ARHGAP10: variants seen among roughly 807,000 people sequenced by gnomAD.
ARHGAP10 encodes the protein Rho GTPase activating protein 10, also known as rho GTPase-activating protein 10.
A neutral mutation model predicts 108.6 loss-of-function variants in ARHGAP10; 87 were observed. The observed-to-expected ratio is 0.80, with a 90% CI of 0.67 to 0.96. The LOEUF is 0.96. Among genes scored for constraint, ARHGAP10 ranks in the 40% least tolerant of loss-of-function variants. The pLI, the probability that ARHGAP10 is intolerant of heterozygous loss-of-function variation, is 0.00. For synonymous variants in ARHGAP10, 347 were observed against 341.1 expected (o/e 1.02, Z -0.19); for missense variants, 939 against 954.5 (o/e 0.98, Z 0.21).
chr4:147,993,813 A>G (rs1472280511), intron 18 of ARHGAP10, among the ~76,000 whole-genome samples: 2 of 152,232 alleles, frequency 1.3e-5, no homozygotes, highest in Non-Finnish European at 2.9e-5. Context: ...ATGAAATACA[A>G]AACTCTTTTT....
chr4:147,752,933 T>A (rs1560739498), intron 1 of ARHGAP10, among the ~76,000 whole-genome samples: 1 of 152,240 alleles, frequency 6.6e-6, no homozygotes, highest in Non-Finnish European at 1.5e-5. Flanking sequence ...TCCTTTTATT[T>A]TTAGAAGTAT....
At chr4:147,909,256 G>A (rs755854222) in intron 11 of ARHGAP10, among the ~76,000 whole-genome samples, 1 of 152,242 alleles carries the variant, frequency 6.6e-6, no homozygotes, top group Non-Finnish European at 1.5e-5. Flanking sequence ...TGAGGTGGGT[G>A]CACGGAGCCC....
intron 1 of ARHGAP10, among the ~76,000 whole-genome samples, chr4:147,777,397 T>TA (rs922490929): frequency 1.4e-4 from 22 of 152,170 alleles, no homozygotes; most frequent in African/African-American, 5.3e-4. Flanking sequence ...TAGCTGGGAC[T>TA]ACAGGCACCC....
intron 1 of ARHGAP10, among the ~76,000 whole-genome samples, chr4:147,808,005 G>A (rs1483646907): frequency 6.6e-6 from 1 of 152,200 alleles, no homozygotes; most frequent in Non-Finnish European, 1.5e-5. Context: ...TGCTTTATAG[G>A]CATGTGGATC....
rs1741298880 is a variant in ARHGAP10, at chr4:148,015,081, T to A, written c.1717-8182T>A. Among the ~76,000 whole-genome samples, 5 of 152,136 alleles carry A rather than the reference T, an allele frequency of 3.3e-5. No individual in the cohort carries two copies. The South Asian group carries it at 1.0e-3, about 32-fold the overall frequency. On this transcript the variant is annotated intron_variant, in intron 18 of 22. Transcript: ENST00000336498. Reference sequence around the variant, plus strand: ...TTCTCCTGGCTGCCTTTCTCTAGTCTCCTGTGACATGGTAGAGAGGGCCTC... The same window carrying A: ...TTCTCCTGGCTGCCTTTCTCTAGTCACCTGTGACATGGTAGAGAGGGCCTC...
Position 148,048,496 on chromosome 4 carries a change from T to C in ARHGAP10, c.2027+1445T>C, listed in dbSNP as rs140420687. 6.6e-5 allele frequency among the ~76,000 whole-genome samples: 10 copies of C among 152,362 alleles called. No individual in the cohort carries two copies. In the East Asian group the frequency reaches 1.7e-3, roughly 26 times the overall value. The stretch of plus-strand genomic sequence containing the variant: ...TAAATCCTACATTACTAGGTATGCT[T>C]GTCACCTTTACTCTTCCTTTTCCAC... On this transcript the variant is annotated intron_variant, in intron 20 of 22. Coordinates refer to ENST00000336498, the MANE Select transcript of ARHGAP10 (RefSeq NM_024605.4).
At chr4:147,857,732 G>T (rs1362439960) in intron 5 of ARHGAP10, 78 bp downstream of exon 5, 7 of 1,216,614 alleles carry the variant, frequency 5.8e-6, no homozygotes, top group Admixed American at 4.0e-5. Context: ...GCTTTAATTT[G>T]GATAACTTTT....
At chr4:147,887,243 C>T (rs7660688) in intron 10 of ARHGAP10, among the ~76,000 whole-genome samples, 2 of 152,064 alleles carry the variant, frequency 1.3e-5, no homozygotes, top group African/African-American at 4.8e-5. Context: ...TGCCCAGACA[C>T]CCTGCCTTTC....
intron 1 of ARHGAP10, among the ~76,000 whole-genome samples, chr4:147,809,946 G>A (rs1408612202): frequency 6.6e-6 from 1 of 152,138 alleles, no homozygotes; most frequent in East Asian, 1.9e-4. Context: ...ACTTTACTTT[G>A]TTTTTAATAT....
At chr4:147,976,541 G>GTTT (rs56763356) in intron 18 of ARHGAP10, among the ~76,000 whole-genome samples, 2 of 140,442 alleles carry the variant, frequency 1.4e-5, no homozygotes, top group Non-Finnish European at 1.6e-5. Flanking sequence ...TTTGTGTGTG[G>GTTT]TTTTTTTTTT....
intron 21 of ARHGAP10, 21 bp downstream of exon 21, chr4:148,063,321 T>A: frequency 6.2e-7 from 1 of 1,613,894 alleles, no homozygotes; most frequent in Non-Finnish European, 8.5e-7. Context: ...TGGAGTGGAA[T>A]GTGGAATATG....
At chr4:147,823,978 G>T (rs1417484402) in intron 3 of ARHGAP10, among the ~76,000 whole-genome samples, 2 of 152,010 alleles carry the variant, frequency 1.3e-5, no homozygotes, top group South Asian at 2.1e-4. Flanking sequence ...TTGCTACCAG[G>T]TTGTGACACA....
rs1728299151 is a variant in ARHGAP10, at chr4:148,034,690, G to T, written c.1867+11277G>T. On this transcript the variant is annotated intron_variant, in intron 19 of 22. Coordinates refer to ENST00000336498, the MANE Select transcript of ARHGAP10 (RefSeq NM_024605.4). ...AGATGAGAGGAATAGGGGAGGACAGGTGAAAAGCAAGGAGTCTGGCAATCC... is the reference window on the plus strand; with the variant it reads ...AGATGAGAGGAATAGGGGAGGACAGTTGAAAAGCAAGGAGTCTGGCAATCC... 2.0e-5 allele frequency among the ~76,000 whole-genome samples: 3 copies of T among 152,176 alleles called. No individual in the cohort carries two copies. The South Asian group carries it at 6.2e-4, about 32-fold the overall frequency.
chr4:147,783,025 TTA>T (rs968530759), intron 1 of ARHGAP10, among the ~76,000 whole-genome samples: 6 of 139,898 alleles, frequency 4.3e-5, no homozygotes, highest in East Asian at 4.0e-4. Flanking sequence ...ATATGTTAAA[TTA>T]TATATATAAA....
chr4:147,847,067 G>C, intron 3 of ARHGAP10, 84 bp from the exon 4 acceptor site: 1 of 1,087,306 alleles, frequency 9.2e-7, no homozygotes, highest in Admixed American at 2.2e-5. Flanking sequence ...TTCTGGGTGG[G>C]ATGGAAGAGG....
At chr4:147,953,740 C>T (rs544549229) in intron 15 of ARHGAP10, among the ~76,000 whole-genome samples, 31 of 151,748 alleles carry the variant, frequency 2.0e-4, no homozygotes, top group East Asian at 3.9e-4. Context: ...TTTCTGTTTT[C>T]GATTTAATTG....
At chr4:147,741,780 A>ACACACACG (rs1728669328) in intron 1 of ARHGAP10, among the ~76,000 whole-genome samples, 1 of 37,258 alleles carries the variant, frequency 2.7e-5, no homozygotes, top group African/African-American at 6.8e-5. Flanking sequence ...ACACACACAC[A>ACACACACG]CACACACACA....
intron 13 of ARHGAP10, among the ~76,000 whole-genome samples, chr4:147,926,587 CAAG>C (rs1737469150): frequency 6.6e-6 from 1 of 152,034 alleles, no homozygotes; most frequent in Non-Finnish European, 1.5e-5. Flanking sequence ...AGAATGAAAG[CAAG>C]AGGAGAGATG....
intron 7 of ARHGAP10, among the ~76,000 whole-genome samples, chr4:147,868,495 C>G (rs993102641): frequency 1.3e-5 from 2 of 152,172 alleles, no homozygotes; most frequent in Non-Finnish European, 2.9e-5. Flanking sequence ...CTCAGCCTCC[C>G]AAGATCCTGG....
Sources: allele counts gnomAD v4.1 joint callset (sites outside exome capture counted in the v4.1 genomes callset), GRCh38; gene constraint gnomAD v4.1.1; transcripts MANE v1.5; gene names NCBI Gene and HGNC (gene_info 2026-07-23, HGNC 2026-07-21).